NHLH2: variants seen among roughly 807,000 people sequenced by gnomAD.
NHLH2 encodes helix-loop-helix protein 2.
NHLH2 carries 7 observed loss-of-function variants against 7.3 expected under a neutral mutation model. The ratio of observed to expected loss-of-function variants is 0.96; its 90% CI spans 0.55 to 1.81. NHLH2 has a LOEUF of 1.81. Ranked by LOEUF, NHLH2 falls within the 40% of genes most tolerant of loss-of-function variation. The probability of loss-of-function intolerance (pLI) is 0.00; values close to 1 mark genes in which losing one functional copy is unlikely to be tolerated. For missense variants in NHLH2, 155 were observed against 194.0 expected, an observed-to-expected ratio of 0.80 and a Z score of 1.19; for synonymous variants, 93 against 91.6, an observed-to-expected ratio of 1.01 and a Z score of -0.09.
downstream of NHLH2, among the ~76,000 whole-genome samples, chr1:115,831,951 TGTC>T (rs1650763256): frequency 6.6e-6 from 1 of 151,724 alleles, no homozygotes; most frequent in African/African-American, 2.4e-5. Context: ...ATTTACCCCT[TGTC>T]GTCCTTAACT....
At position 115,837,943 on chromosome 1, in the gene NHLH2, GC is replaced by G. The variant is rs747554138; in HGVS notation, c.*21del. Reference sequence around the variant, plus strand: ...CGTTTCGCGGACGCCGGGACAGGCGGCCCCCCGCGGCGCACCCCGCCCTACA... The same window carrying G: ...CGTTTCGCGGACGCCGGGACAGGCGGCCCCCGCGGCGCACCCCGCCCTACA... On this transcript the variant is annotated 3_prime_UTR_variant, in exon 3 of 3. Coordinates refer to ENST00000320238, the MANE Select transcript of NHLH2 (RefSeq NM_005599.3). 7.6e-6 allele frequency: 12 copies of G among 1,583,668 alleles called. No homozygotes were observed. The Admixed American group carries it at 1.6e-4, about 21-fold the overall frequency.
chr1:115,838,749 C>A, intron 2 of NHLH2: 1 of 231,870 alleles, frequency 4.3e-6, no homozygotes, highest in Non-Finnish European at 8.9e-6. Flanking sequence ...CGCGCTATTC[C>A]TCCTCCCTCC....
Position 115,837,742 on chromosome 1 carries a change from G to GC in NHLH2, c.*222dup. On this transcript the variant is annotated 3_prime_UTR_variant, in exon 3 of 3. Coordinates refer to ENST00000320238, the MANE Select transcript of NHLH2 (RefSeq NM_005599.3). ...CTGGCCTGGAAAATCCCCCCTGCGA[G>GC]CCCCCGGGCTCGCCAGACAACCCCA... The GC allele has an allele frequency of 3.7e-6, 2 of 534,454 alleles. No individual in the cohort carries two copies. Among genetic ancestry groups the GC allele is most frequent in the Non-Finnish European group, 3.2e-6 (1 of 310,886 alleles). 33.1% of individuals were successfully genotyped at this position (534,454 alleles called of 1,614,324 possible).
chr1:115,833,618 C>T (rs1650801044), downstream of NHLH2, among the ~76,000 whole-genome samples: 1 of 152,152 alleles, frequency 6.6e-6, no homozygotes, highest in African/African-American at 2.4e-5. Flanking sequence ...TTCTTTAAGC[C>T]TCAAATTCCT....
intron 2 of NHLH2, chr1:115,838,671 C>G (rs2101201066): frequency 2.7e-6 from 1 of 373,156 alleles, no homozygotes; most frequent in East Asian, 5.1e-5. Flanking sequence ...GGCCCTGGGC[C>G]TGGGGAACAA....
chr1:115,839,208 C>T (rs1372860338), intron 2 of NHLH2: 1 of 167,370 alleles, frequency 6.0e-6, no homozygotes, highest in African/African-American at 2.4e-5. Context: ...CTGGCGACCA[C>T]CTTGCGGGAA....
At chr1:115,832,197 C>G (rs1430719716), downstream of NHLH2, among the ~76,000 whole-genome samples, 1 of 152,184 alleles carries the variant, frequency 6.6e-6, no homozygotes, top group Admixed American at 6.5e-5. Context: ...GGGCCTTTAT[C>G]ATGAGTCGAG....
At chr1:115,833,927 T>C (rs1235415440), downstream of NHLH2, among the ~76,000 whole-genome samples, 2 of 152,152 alleles carry the variant, frequency 1.3e-5, no homozygotes, top group Non-Finnish European at 2.9e-5. Context: ...AATCACAGCA[T>C]CACAGAGGCT....
downstream of NHLH2, among the ~76,000 whole-genome samples, chr1:115,832,654 G>T (rs1470615192): frequency 6.6e-6 from 1 of 152,140 alleles, no homozygotes; most frequent in East Asian, 1.9e-4. Flanking sequence ...TTGGAGCCAG[G>T]GCCCGAACTT....
At position 115,836,870 on chromosome 1, in the gene NHLH2, G is replaced by C. The variant is rs190074560; in HGVS notation, c.*1095C>G. ...TAGTGTTGCTGATCTCACAACAAAA[G>C]AACCTTTCAAGAACAAACATCTTAA... On this transcript the variant is annotated 3_prime_UTR_variant, in exon 3 of 3. Transcript: ENST00000320238. 1 of 152,092 alleles carries C rather than the reference G, an allele frequency of 6.6e-6. No individual in the cohort carries two copies. The highest frequency in any genetic ancestry group is 1.9e-4 in the East Asian group (1 of 5,174). 9.4% of individuals were successfully genotyped at this position (152,092 alleles called of 1,614,324 possible).
At chr1:115,832,847 T>A (rs1218458287), downstream of NHLH2, among the ~76,000 whole-genome samples, 2 of 152,142 alleles carry the variant, frequency 1.3e-5, no homozygotes, top group Non-Finnish European at 2.9e-5. Flanking sequence ...ATCATCGGAA[T>A]TTTCTGGGTA....
chr1:115,832,204 C>T (rs1650770390), downstream of NHLH2, among the ~76,000 whole-genome samples: 1 of 152,112 alleles, frequency 6.6e-6, no homozygotes, highest in Non-Finnish European at 1.5e-5. Context: ...TATCATGAGT[C>T]GAGTGGGGCT....
In NHLH2 at chr1:115,836,410, C is replaced by T. The variant is rs1208999140; in HGVS notation, c.*1555G>A. The T allele has an allele frequency of 1.3e-5, 2 of 152,508 alleles. No individual in the cohort carries two copies. Among genetic ancestry groups the T allele is most frequent in the South Asian group, 2.1e-4 (1 of 4,820 alleles). 9.4% of individuals were successfully genotyped at this position (152,508 alleles called of 1,614,324 possible). On this transcript the variant is annotated 3_prime_UTR_variant, in exon 3 of 3. Transcript: ENST00000320238. ...ATACCTTTATTTATATGCAAAACAG[C>T]GCACCATTCATGAGATATGAAAAAC...
downstream of NHLH2, among the ~76,000 whole-genome samples, chr1:115,833,398 T>C (rs567531993): frequency 3.9e-5 from 6 of 152,330 alleles, no homozygotes; most frequent in South Asian, 1.2e-3. Flanking sequence ...CTGTGTGTAC[T>C]GCAGACGCAG....
At chr1:115,836,341 A>G (rs1650870730), downstream of NHLH2, 1 of 152,314 alleles carries the variant, frequency 6.6e-6, no homozygotes, top group South Asian at 2.1e-4. Context: ...CATGTCCATT[A>G]TTTTTAGACA....
At chr1:115,835,349 G>C (rs982866121), downstream of NHLH2, among the ~76,000 whole-genome samples, 1 of 152,140 alleles carries the variant, frequency 6.6e-6, no homozygotes, top group Non-Finnish European at 1.5e-5. Flanking sequence ...AACTAGGAGT[G>C]GTTATCCTTC....
chr1:115,834,331 C>T (rs1363098362), downstream of NHLH2, among the ~76,000 whole-genome samples: 4 of 152,244 alleles, frequency 2.6e-5, no homozygotes, highest in Non-Finnish European at 5.9e-5. Context: ...CAGCAATGGC[C>T]TGGCAAGTTG....
rs754109892 is a variant in NHLH2 at position 115,838,391 on chromosome 1, G to T, written c.-8-11C>A. The T allele has an allele frequency of 8.1e-6, 13 of 1,607,526 alleles. No homozygotes were observed. The highest frequency in any genetic ancestry group is 1.0e-5 in the Non-Finnish European group (12 of 1,178,622). ...GCATCATTTTGGAGGCTGAGGAGGG[G>T]TCGGAAAATTAATCAGTAAAAGGAA... On this transcript the variant is annotated splice_polypyrimidine_tract_variant and intron_variant, in intron 2 of 2. Transcript: ENST00000320238.
At chr1:115,836,008 GT>G (rs1650862160), downstream of NHLH2, among the ~76,000 whole-genome samples, 1 of 152,112 alleles carries the variant, frequency 6.6e-6, no homozygotes, top group African/African-American at 2.4e-5. Flanking sequence ...ATAGCTATGT[GT>G]TTTAGTGTAG....
Sources: gnomAD v4.1 joint callset for allele counts (sites outside exome capture counted in the v4.1 genomes callset) on GRCh38, gnomAD v4.1.1 for gene constraint, MANE v1.5 for transcripts, NCBI Gene and HGNC (gene_info 2026-07-23, HGNC 2026-07-21) for gene names.